SLC16A7: variants seen among roughly 807,000 people sequenced by gnomAD.
SLC16A7 encodes solute carrier family 16 member 7, also known as monocarboxylate transporter 2.
SLC16A7 carries 33 observed loss-of-function variants against 34.9 expected under a neutral mutation model. The observed-to-expected ratio is 0.94, with a 90% CI of 0.72 to 1.26. The LOEUF (loss-of-function observed/expected upper bound fraction) is 1.26. Ranked by LOEUF, SLC16A7 falls within the 50% of genes most tolerant of loss-of-function variation. The pLI is 0.00. For synonymous variants in SLC16A7, 201 were observed against 206.6 expected (o/e 0.97, Z 0.23); for missense variants, 573 against 578.1 (o/e 0.99, Z 0.09).
At chr12:59,736,853 C>G (rs1235110450) in intron 3 of SLC16A7, among the ~76,000 whole-genome samples, 1 of 152,194 alleles carries the variant, frequency 6.6e-6, no homozygotes, top group Non-Finnish European at 1.5e-5. Context: ...CATTAGCATG[C>G]CTTCCAATCC....
intron 3 of SLC16A7, among the ~76,000 whole-genome samples, chr12:59,764,239 T>G (rs1481842177): frequency 6.6e-6 from 1 of 152,172 alleles, no homozygotes; most frequent in African/African-American, 2.4e-5. Flanking sequence ...AGCCAGAGCC[T>G]AATCCAGAGC....
chr12:59,770,604 A>G (rs566945197), intron 3 of SLC16A7, among the ~76,000 whole-genome samples: 1 of 152,328 alleles, frequency 6.6e-6, no homozygotes, highest in African/African-American at 2.4e-5. Flanking sequence ...CATGATAACA[A>G]CATTACTACC....
chr12:59,772,844 G>A (rs1041176789), intron 4 of SLC16A7, among the ~76,000 whole-genome samples: 2 of 151,964 alleles, frequency 1.3e-5, no homozygotes, highest in Admixed American at 1.3e-4. Flanking sequence ...ATATCTTACA[G>A]TTCTAAAACT....
rs1883072248 is a variant in SLC16A7 at position 59,779,473 on chromosome 12, G to T, written c.1231G>T (p.Gly411Trp). 1 of 1,611,068 alleles carries T rather than the reference G, an allele frequency of 6.2e-7. No individual in the cohort carries two copies. Among genetic ancestry groups the T allele is most frequent in the African/African-American group, 1.3e-5 (1 of 74,826 alleles). Residue 411 changes from glycine to tryptophan, a missense_variant, in exon 6 of 6, where the codon GGG (glycine) becomes TGG (tryptophan). Transcript: ENST00000547379. ...ATATAAATACATGTACATGTCCTGT[G>T]GGGCTATTGTGGTAGCAGCAAGCGT... ...GEYKYMYMSCGAIVVAASVWL... is the reference protein window; with the variant it reads ...GEYKYMYMSCWAIVVAASVWL...
At chr12:59,689,708 G>T (rs574000291) in intron 2 of SLC16A7, among the ~76,000 whole-genome samples, 2 of 151,978 alleles carry the variant, frequency 1.3e-5, no homozygotes, top group East Asian at 1.9e-4. Context: ...CTCCTCTTCC[G>T]TAGTGCCAGT....
chr12:59,717,686 G>T (rs777967124), intron 3 of SLC16A7, among the ~76,000 whole-genome samples: 1 of 152,086 alleles, frequency 6.6e-6, no homozygotes, highest in Non-Finnish European at 1.5e-5. Context: ...TTCTGAAACT[G>T]TTTCCCTAAC....
chr12:59,753,016 G>A (rs1228396190), intron 3 of SLC16A7, among the ~76,000 whole-genome samples: 3 of 152,132 alleles, frequency 2.0e-5, no homozygotes, highest in Non-Finnish European at 4.4e-5. Flanking sequence ...AGCTTCATAA[G>A]TGAAAGAGAA....
chr12:59,614,621 G>T (rs1282341238), intron 1 of SLC16A7, among the ~76,000 whole-genome samples: 1 of 151,684 alleles, frequency 6.6e-6, no homozygotes, highest in African/African-American at 2.4e-5. Flanking sequence ...AGCAATATGA[G>T]TCGGGACCAG....
chr12:59,779,399 T>TAA, intron 5 of SLC16A7, 24 bp from the exon 6 acceptor site: 1 of 1,539,856 alleles, frequency 6.5e-7, no homozygotes, highest in Non-Finnish European at 8.8e-7. Flanking sequence ...TATGCCAACT[T>TAA]AAAAGATGTT....
Position 59,725,962 on chromosome 12 carries a change from G to T in SLC16A7, c.217+20944G>T, listed in dbSNP as rs78687166. Among the ~76,000 whole-genome samples the T allele has an allele frequency of 0.01, 1,593 of 152,174 alleles. 107 individuals carry two copies. In the East Asian group the frequency reaches 0.18, roughly 17 times the overall value. On this transcript the variant is annotated intron_variant, in intron 3 of 5. Transcript: ENST00000547379. ...CAGAGGTGACTAAAATTGCCACATTGTGTTTAGTGTGTTCTCAGGAAGTCA... is the reference window on the plus strand; with the variant it reads ...CAGAGGTGACTAAAATTGCCACATTTTGTTTAGTGTGTTCTCAGGAAGTCA...
At chr12:59,670,666 A>C (rs1869605542) in intron 2 of SLC16A7, among the ~76,000 whole-genome samples, 1 of 152,202 alleles carries the variant, frequency 6.6e-6, no homozygotes, top group Non-Finnish European at 1.5e-5. Context: ...AGACATACTC[A>C]TTCCAAAAAG....
intron 3 of SLC16A7, among the ~76,000 whole-genome samples, chr12:59,742,587 A>G (rs1878462393): frequency 1.3e-5 from 2 of 152,230 alleles, no homozygotes; most frequent in Admixed American, 1.3e-4. Context: ...AAGGAAAAAT[A>G]TCCTAATGAA....
intron 2 of SLC16A7, among the ~76,000 whole-genome samples, chr12:59,688,418 G>A (rs952197307): frequency 1.3e-4 from 20 of 151,984 alleles, no homozygotes; most frequent in African/African-American, 3.9e-4. Context: ...CGAATACTGC[G>A]GTAGACTTTA....
chr12:59,632,978 G>C (rs147083078), intron 1 of SLC16A7, among the ~76,000 whole-genome samples: 1 of 152,000 alleles, frequency 6.6e-6, no homozygotes, highest in Non-Finnish European at 1.5e-5. Context: ...GTTACCAAAA[G>C]GTGAGGTATC....
At chr12:59,670,939 C>T (rs1462573350) in intron 2 of SLC16A7, among the ~76,000 whole-genome samples, 1 of 152,198 alleles carries the variant, frequency 6.6e-6, no homozygotes, top group Non-Finnish European at 1.5e-5. Context: ...AAGACCTCTG[C>T]ATCCATGAGT....
chr12:59,624,913 C>A (rs1592404161), intron 1 of SLC16A7, among the ~76,000 whole-genome samples: 1 of 151,812 alleles, frequency 6.6e-6, no homozygotes, highest in African/African-American at 2.4e-5. Flanking sequence ...GTTACATGTA[C>A]CCTTTTGGGT....
intron 2 of SLC16A7, among the ~76,000 whole-genome samples, chr12:59,671,439 C>G (rs796979866): frequency 1.3e-5 from 2 of 151,890 alleles, no homozygotes; most frequent in South Asian, 4.2e-4. Flanking sequence ...ATAAACATTC[C>G]TTTGTATTTC....
intron 3 of SLC16A7, among the ~76,000 whole-genome samples, chr12:59,756,891 T>C (rs994713235): frequency 1.1e-4 from 14 of 127,884 alleles, no homozygotes; most frequent in Middle Eastern, 3.9e-3. Context: ...ATTCAGAAAA[T>C]GTGGCACATA....
intron 3 of SLC16A7, among the ~76,000 whole-genome samples, chr12:59,727,227 A>G (rs1173559321): frequency 6.6e-6 from 1 of 151,342 alleles, no homozygotes; most frequent in Non-Finnish European, 1.5e-5. Context: ...AGAGTGAGGT[A>G]TTTAGTCATG....
Sources: allele counts gnomAD v4.1 joint callset (sites outside exome capture counted in the v4.1 genomes callset), GRCh38; gene constraint gnomAD v4.1.1; transcripts MANE v1.5; gene names NCBI Gene and HGNC (gene_info 2026-07-23, HGNC 2026-07-21).